The following RAMP2 variants were observed in gnomAD, a reference collection of about 807,000 sequenced individuals.
The protein encoded by RAMP2 is receptor activity-modifying protein 2.
In RAMP2, 11 loss-of-function variants were observed where a neutral mutation model predicts 18.2. The ratio of observed to expected loss-of-function variants is 0.60; its 90% CI spans 0.38 to 1.00. The LOEUF (loss-of-function observed/expected upper bound fraction) is 1.00. Among genes scored for constraint, RAMP2 ranks in the 50% least tolerant of loss-of-function variants. The probability of loss-of-function intolerance (pLI) is 0.01; values close to 1 mark genes in which losing one functional copy is unlikely to be tolerated. For missense variants in RAMP2, 191 were observed against 226.5 expected (o/e 0.84, Z 1.01); for synonymous variants, 86 against 90.8 (o/e 0.95, Z 0.30).
rs543455351 is a variant in RAMP2 at position 42,762,780 on chromosome 17, C to A, written c.456C>A (p.Ala152=). ...ATGTACTCCTGGCCATGATCATAGC[C>A]CCCATCTGCCTCATCCCCTTCCTCA... The part of the protein sequence containing the change: ...PEDVLLAMII[A]PICLIPFLIT... The change falls in exon 4 of 4, where the codon GCC becomes GCA. Residue 152 remains alanine (A), a synonymous_variant. Coordinates refer to ENST00000253796, the MANE Select transcript of RAMP2 (RefSeq NM_005854.3). 6.2e-7 allele frequency: 1 copy of A among 1,613,980 alleles called. No individual in the cohort carries two copies. The highest frequency in any genetic ancestry group is 8.5e-7 in the Non-Finnish European group (1 of 1,179,938).
chr17:42,761,233 G>A lies in RAMP2; in HGVS notation c.-29G>A. 2.1e-6 allele frequency: 3 copies of A among 1,432,014 alleles called. No homozygotes were observed. Among genetic ancestry groups the A allele is most frequent in the Non-Finnish European group, 2.8e-6 (3 of 1,087,598 alleles). 88.7% of individuals were successfully genotyped at this position (1,432,014 alleles called of 1,614,324 possible). A position where few individuals can be genotyped will look rare whatever the true frequency, so the allele number is the denominator to read the frequency against. On this transcript the variant is annotated 5_prime_UTR_variant, in exon 1 of 4. Transcript: ENST00000253796. This position sits in a 1 kb window ranked among gnomAD's most constrained non-coding sequence, Gnocchi z 4.2. ...CCACACCCGGGCCCGGCTCAGCGCC[G>A]CCGCCGCTCCTCGCCTCCTTGCTGC...
In RAMP2 at chr17:42,761,768, C is replaced by G. The variant is rs1259931006; in HGVS notation, c.98-66C>G. ...TTTCGGAGGGTCTCAGTCCCCCAAC[C>G]CCCCTCGCAGGCTCCACTGCCGGGG... On this transcript the variant is annotated intron_variant, in intron 1 of 3. Transcript: ENST00000253796. The surrounding 1 kb of genome is among the most constrained non-coding windows in gnomAD (Gnocchi z 4.2). 11 of 1,381,836 alleles carry G rather than the reference C, an allele frequency of 8.0e-6. No individual in the cohort carries two copies. The highest frequency in any genetic ancestry group is 9.2e-6 in the Non-Finnish European group (9 of 973,300). The allele number at this position is 1,381,836 out of a possible 1,614,324, so 85.6% of individuals were successfully genotyped here.
At position 42,761,291 on chromosome 17, in the gene RAMP2, C is replaced by A; in HGVS notation, c.30C>A (p.Gly10=). The change falls in exon 1 of 4, where the codon GGC becomes GGA. Residue 10 remains glycine, a synonymous_variant. Coordinates refer to ENST00000253796, the MANE Select transcript of RAMP2 (RefSeq NM_005854.3). This position sits in a 1 kb window ranked among gnomAD's most constrained non-coding sequence, Gnocchi z 4.2. MASLRVERA[G]GPRLPRTRVG... ...CCTCGCTCCGGGTGGAGCGCGCCGG[C>A]GGCCCGCGTCTCCCTAGGACCCGAG... 7.4e-7 allele frequency: 1 copy of A among 1,348,876 alleles called. No individual in the cohort carries two copies. Among genetic ancestry groups the A allele is most frequent in the Non-Finnish European group, 9.5e-7 (1 of 1,049,818 alleles). The allele number at this position is 1,348,876 out of a possible 1,614,324, so 83.6% of individuals were successfully genotyped here. A position where few individuals can be genotyped will look rare whatever the true frequency, so the allele number is the denominator to read the frequency against.
Position 42,762,861 on chromosome 17 carries a change from G to C in RAMP2, c.*9G>C, listed in dbSNP as rs375600296. On this transcript the variant is annotated 3_prime_UTR_variant, in exon 4 of 4. Transcript: ENST00000253796. ...GTGAGGCCCAGGCCTAGGGGGCCAC[G>C]AGCTTCTCAACAACCATGTTACTCC... 1.9e-6 allele frequency: 3 copies of C among 1,572,864 alleles called. No homozygotes were observed. The highest frequency in any genetic ancestry group is 2.6e-6 in the Non-Finnish European group (3 of 1,153,854).
chr17:42,761,384 G>T lies in RAMP2; in HGVS notation c.97+26G>T. The T allele has an allele frequency of 7.7e-7, 1 of 1,300,588 alleles. No individual in the cohort carries two copies. The highest frequency in any genetic ancestry group is 2.1e-5 in the South Asian group (1 of 46,612). The allele number at this position is 1,300,588 out of a possible 1,614,324, so 80.6% of individuals were successfully genotyped here. A position where few individuals can be genotyped will look rare whatever the true frequency, so the allele number is the denominator to read the frequency against. On this transcript the variant is annotated intron_variant, in intron 1 of 3. Transcript: ENST00000253796. This position sits in a 1 kb window ranked among gnomAD's most constrained non-coding sequence, Gnocchi z 4.2. ...GTGAGCGCGGCGCCCCGAGGCCCGG[G>T]CGGGAGGCGCGAGAGGCCCCGGAGG...
chr17:42,762,519 G>A, intron 3 of RAMP2, 56 bp downstream of exon 3: 1 of 1,609,346 alleles, frequency 6.2e-7, no homozygotes. Flanking sequence ...CTCATTGCAG[G>A]TAGACCCTGA....
rs770604025 is a variant in RAMP2 at position 42,762,678 on chromosome 17, G to C, written c.354G>C (p.Arg118Ser). The change falls in exon 4 of 4, where the codon AGG becomes AGC. Residue 118 changes from arginine (R) to serine (S), a missense_variant. Arg to Ser is a moderately radical substitution (Grantham distance 110). Coordinates refer to ENST00000253796, the MANE Select transcript of RAMP2 (RefSeq NM_005854.3). ...DLGFPNPLAE[R>S]IIFETHQIHF... ...GCTTCCCCAATCCCTTGGCAGAGAG[G>C]ATCATCTTTGAGACTCACCAGATCC... The C allele has an allele frequency of 5.0e-6, 8 of 1,613,936 alleles. No individual in the cohort carries two copies. In the Admixed American group the frequency reaches 6.7e-5, roughly 13 times the overall value.
chr17:42,762,421 A>C lies in RAMP2; in HGVS notation c.230A>C (p.Asp77Ala). ...FCWNHYKDQM[D>A]PIEKDWCDWA... ...TGGAATCATTATAAGGATCAAATGGATCCTATCGAAAAGGATTGGTGCGAC... is the reference window on the plus strand; with the variant it reads ...TGGAATCATTATAAGGATCAAATGGCTCCTATCGAAAAGGATTGGTGCGAC... Residue 77 changes from aspartate to alanine, a missense_variant, in exon 3 of 4, where the codon GAT (aspartate) becomes GCT (alanine). Transcript: ENST00000253796. 6.2e-7 allele frequency: 1 copy of C among 1,613,994 alleles called. No individual in the cohort carries two copies. Among genetic ancestry groups the C allele is most frequent in the South Asian group, 1.1e-5 (1 of 91,086 alleles).
In RAMP2 at chr17:42,761,957, G is replaced by A; in HGVS notation, c.163+58G>A. On this transcript the variant is annotated intron_variant, in intron 2 of 3. Transcript: ENST00000253796. The surrounding 1 kb of genome is among the most constrained non-coding windows in gnomAD (Gnocchi z 4.2). ...GGTAAGGACGAGAGCAAGTTCAGTG[G>A]GGAGGGTTCCTTTCCCACGAGGCCT... 1.4e-6 allele frequency: 2 copies of A among 1,466,626 alleles called. No homozygotes were observed. Among genetic ancestry groups the A allele is most frequent in the South Asian group, 1.2e-5 (1 of 84,352 alleles). 90.9% of individuals were successfully genotyped at this position (1,466,626 alleles called of 1,614,324 possible). A position where few individuals can be genotyped will look rare whatever the true frequency, so the allele number is the denominator to read the frequency against.
In RAMP2 at chr17:42,762,829, A is replaced by T. The variant is rs1386763418; in HGVS notation, c.505A>T (p.Lys169Ter). The T allele has an allele frequency of 6.2e-7, 1 of 1,608,530 alleles. No individual in the cohort carries two copies. The highest frequency in any genetic ancestry group is 1.3e-5 in the African/African-American group (1 of 74,764). The change falls in exon 4 of 4, where the codon AAA (lysine) becomes TAA (stop). Residue 169 changes from lysine to a stop codon, truncating the protein, a stop_gained. Coordinates refer to ENST00000253796, the MANE Select transcript of RAMP2 (RefSeq NM_005854.3). LOFTEE classifies it high-confidence loss of function. ...CATCACTCTTGTAGTATGGAGGAGT[A>T]AAGACAGTGAGGCCCAGGCCTAGGG... The part of the protein sequence containing the change: ...FLITLVVWRS[K>*]DSEAQA
rs777298171 is a variant in RAMP2, at chr17:42,761,827, C to T, written c.98-7C>T. ...ATGTTACCCTCCTCTCCCGTTTCTT[C>T]CCACAGCTGTCCTGAATCCCCACGA... On this transcript the variant is annotated splice_region_variant and splice_polypyrimidine_tract_variant and intron_variant, in intron 1 of 3. Transcript: ENST00000253796. This position sits in a 1 kb window ranked among gnomAD's most constrained non-coding sequence, Gnocchi z 4.2. The T allele has an allele frequency of 1.7e-5, 27 of 1,574,456 alleles. No homozygotes were observed. Among genetic ancestry groups the T allele is most frequent in the Middle Eastern group, 3.3e-4 (2 of 5,992 alleles).
At position 42,761,478 on chromosome 17, in the gene RAMP2, C is replaced by G. The variant is rs983972646; in HGVS notation, c.97+120C>G. 11 of 850,850 alleles carry G rather than the reference C, an allele frequency of 1.3e-5. No homozygotes were observed. Among genetic ancestry groups the G allele is most frequent in the East Asian group, 3.2e-5 (1 of 31,114 alleles). The allele number at this position is 850,850 out of a possible 1,614,324, so 52.7% of individuals were successfully genotyped here. ...CGGGCCCTGGGGTGCGGGTTAGGAC[C>G]GACGTACCTAGCAGCACTGGCCCTC... On this transcript the variant is annotated intron_variant, in intron 1 of 3. Coordinates refer to ENST00000253796, the MANE Select transcript of RAMP2 (RefSeq NM_005854.3). This position sits in a 1 kb window ranked among gnomAD's most constrained non-coding sequence, Gnocchi z 4.2.
At chr17:42,762,186 A>G (rs1326054436) in intron 2 of RAMP2, among the ~76,000 whole-genome samples, 169 bp from the exon 3 acceptor site, 2 of 152,352 alleles carry the variant, frequency 1.3e-5, no homozygotes, top group Admixed American at 6.5e-5. Flanking sequence ...GGAAGTCATT[A>G]TAGGATTCCT....
rs972512297 is a variant in RAMP2 at position 42,761,616 on chromosome 17, G to A, written c.98-218G>A. ...AAGAGGGCTTAGGAGGACGGAAGCTGGCCAGAGATGAGGGGGCTTTGGGCC... is the reference window on the plus strand; with the variant it reads ...AAGAGGGCTTAGGAGGACGGAAGCTAGCCAGAGATGAGGGGGCTTTGGGCC... On this transcript the variant is annotated intron_variant, in intron 1 of 3. Coordinates refer to ENST00000253796, the MANE Select transcript of RAMP2 (RefSeq NM_005854.3). This position sits in a 1 kb window ranked among gnomAD's most constrained non-coding sequence, Gnocchi z 4.2. Among the ~76,000 whole-genome samples, 14 of 152,170 alleles carry A rather than the reference G, an allele frequency of 9.2e-5. No homozygotes were observed. The highest frequency in any genetic ancestry group is 3.1e-4 in the African/African-American group (13 of 41,452).
At position 42,762,424 on chromosome 17, in the gene RAMP2, C is replaced by T; in HGVS notation, c.233C>T (p.Pro78Leu). Residue 78 changes from proline (P) to leucine (L), a missense_variant, in exon 3 of 4, where the codon CCT becomes CTT. Pro to Leu is a moderately conservative substitution (Grantham distance 98). Coordinates refer to ENST00000253796, the MANE Select transcript of RAMP2 (RefSeq NM_005854.3). ...AATCATTATAAGGATCAAATGGATC[C>T]TATCGAAAAGGATTGGTGCGACTGG... ...CWNHYKDQMD[P>L]IEKDWCDWAM... 6.2e-7 allele frequency: 1 copy of T among 1,614,042 alleles called. No homozygotes were observed. Among genetic ancestry groups the T allele is most frequent in the Non-Finnish European group, 8.5e-7 (1 of 1,179,970 alleles).
intron 3 of RAMP2, 28 bp from the exon 4 acceptor site, chr17:42,762,569 T>C (rs759449482): frequency 1.9e-6 from 3 of 1,604,396 alleles, no homozygotes; most frequent in Non-Finnish European, 2.6e-6. Flanking sequence ...CCACCCCCTC[T>C]CTCACTCAAG....
rs1568019479 is a variant in RAMP2 at position 42,761,260 on chromosome 17, C to T, written c.-2C>T. 5 of 1,457,714 alleles carry T rather than the reference C, an allele frequency of 3.4e-6. No homozygotes were observed. The highest frequency in any genetic ancestry group is 3.6e-6 in the Non-Finnish European group (4 of 1,110,702). 90.3% of individuals were successfully genotyped at this position (1,457,714 alleles called of 1,614,324 possible). A position where few individuals can be genotyped will look rare whatever the true frequency, so the allele number is the denominator to read the frequency against. ...CGCCGCTCCTCGCCTCCTTGCTGCACGATGGCCTCGCTCCGGGTGGAGCGC... is the reference window on the plus strand; with the variant it reads ...CGCCGCTCCTCGCCTCCTTGCTGCATGATGGCCTCGCTCCGGGTGGAGCGC... On this transcript the variant is annotated 5_prime_UTR_variant, in exon 1 of 4. In the 5' UTR this introduces an upstream ATG that the reference lacks. Coordinates refer to ENST00000253796, the MANE Select transcript of RAMP2 (RefSeq NM_005854.3). This position sits in a 1 kb window ranked among gnomAD's most constrained non-coding sequence, Gnocchi z 4.2.
Position 42,761,706 on chromosome 17 carries a change from G to C in RAMP2, c.98-128G>C. ...CCCCGGCACTGAGGCGTCCGTGGGG[G>C]CTAGATTATTCCTCCTTTTCTTCCA... On this transcript the variant is annotated intron_variant, in intron 1 of 3. Transcript: ENST00000253796. This position sits in a 1 kb window ranked among gnomAD's most constrained non-coding sequence, Gnocchi z 4.2. 2.5e-6 allele frequency: 2 copies of C among 805,532 alleles called. No homozygotes were observed. Among genetic ancestry groups the C allele is most frequent in the Non-Finnish European group, 4.1e-6 (2 of 488,570 alleles). The allele number at this position is 805,532 out of a possible 1,614,324, so 49.9% of individuals were successfully genotyped here.
chr17:42,762,900 C>A lies in RAMP2; in HGVS notation c.*48C>A. The stretch of plus-strand genomic sequence containing the variant: ...CCATGTTACTCCACTTCCCCACCCC[C>A]ACCAGGCCTCCCTCCTCCCCTCCTA... On this transcript the variant is annotated 3_prime_UTR_variant, in exon 4 of 4. Coordinates refer to ENST00000253796, the MANE Select transcript of RAMP2 (RefSeq NM_005854.3). 3.3e-6 allele frequency: 5 copies of A among 1,519,394 alleles called. No homozygotes were observed. Among genetic ancestry groups the A allele is most frequent in the Non-Finnish European group, 4.5e-6 (5 of 1,121,260 alleles). 94.1% of individuals were successfully genotyped at this position (1,519,394 alleles called of 1,614,324 possible).
Sources: allele counts gnomAD v4.1 joint callset (sites outside exome capture counted in the v4.1 genomes callset), GRCh38; gene constraint gnomAD v4.1.1; non-coding constraint Gnocchi (gnomAD v3.1); transcripts MANE v1.5; gene names NCBI Gene and HGNC (gene_info 2026-07-23, HGNC 2026-07-21).